Variants in CAMSAP2 observed in about 807,000 individuals in gnomAD.
CAMSAP2 encodes the protein calmodulin-regulated spectrin-associated protein 2.
A neutral mutation model predicts 146.1 loss-of-function variants in CAMSAP2; 26 were observed. That is an observed-to-expected ratio of 0.18 (90% CI 0.13 to 0.25). The LOEUF (loss-of-function observed/expected upper bound fraction) is 0.25, where lower values mean the gene tolerates loss of function less well. CAMSAP2 is among the 10% of genes least tolerant of loss of function. The pLI, the probability that CAMSAP2 is intolerant of heterozygous loss-of-function variation, is 1.00. For missense variants in CAMSAP2, 1,381 were observed against 1,759.3 expected (o/e 0.78, Z 3.85); for synonymous variants, 499 against 596.6 (o/e 0.84, Z 2.38).
intron 4 of CAMSAP2, among the ~76,000 whole-genome samples, chr1:200,827,504 C>T (rs566560802): frequency 2.0e-5 from 3 of 152,212 alleles, no homozygotes; most frequent in South Asian, 2.1e-4. Flanking sequence ...CTGCCAAAAA[C>T]GTTCAGTTAA....
chr1:200,745,268 C>G (rs541836086), intron 1 of CAMSAP2, among the ~76,000 whole-genome samples: 1 of 152,216 alleles, frequency 6.6e-6, no homozygotes, highest in East Asian at 1.9e-4. Context: ...CTACTCCTAC[C>G]CCAGTTGTGA....
At chr1:200,809,357 T>C (rs1420351089) in intron 3 of CAMSAP2, among the ~76,000 whole-genome samples, 1 of 152,236 alleles carries the variant, frequency 6.6e-6, no homozygotes, top group Non-Finnish European at 1.5e-5. Context: ...TTCTTCCCTT[T>C]TTTGTGGTCA....
At chr1:200,779,169 C>T (rs1665365812) in intron 2 of CAMSAP2, among the ~76,000 whole-genome samples, 1 of 152,134 alleles carries the variant, frequency 6.6e-6, no homozygotes, top group Non-Finnish European at 1.5e-5. Context: ...TTGAAGGCTG[C>T]ACAATATTCT....
At chr1:200,787,156 A>T (rs538964762) in intron 2 of CAMSAP2, among the ~76,000 whole-genome samples, 1 of 152,292 alleles carries the variant, frequency 6.6e-6, no homozygotes, top group African/African-American at 2.4e-5. Flanking sequence ...TGGCCCATGG[A>T]TCAGGGAGTA....
chr1:200,833,729 T>TA (rs748192056), intron 6 of CAMSAP2, among the ~76,000 whole-genome samples: 88 of 152,304 alleles, frequency 5.8e-4, no homozygotes, highest in Admixed American at 1.4e-3. Flanking sequence ...ATTTTTGAAT[T>TA]AAAAAATTAA....
chr1:200,748,172 A>G (rs931628391), intron 1 of CAMSAP2, among the ~76,000 whole-genome samples: 1 of 152,156 alleles, frequency 6.6e-6, no homozygotes, highest in Non-Finnish European at 1.5e-5. Flanking sequence ...ATAATCTTTC[A>G]TGTACCCATC....
intron 7 of CAMSAP2, among the ~76,000 whole-genome samples, chr1:200,843,798 T>C (rs540398879): frequency 1.3e-5 from 2 of 152,212 alleles, no homozygotes; most frequent in Non-Finnish European, 2.9e-5. Context: ...TCTGAAGTTC[T>C]ATGAAAGCTT....
rs747809258 is a variant in CAMSAP2, at chr1:200,852,527, A to G, written c.3466-14A>G. 3 of 1,597,792 alleles carry G rather than the reference A, an allele frequency of 1.9e-6. No homozygotes were observed. Among genetic ancestry groups the G allele is most frequent in the African/African-American group, 2.7e-5 (2 of 73,668 alleles). ...CTAAAATGTTTGATCGTTTTCAATG[A>G]AATTCGTTCTTAGGATGATCAAAAA... On this transcript the variant is annotated splice_polypyrimidine_tract_variant and intron_variant, in intron 11 of 16. Coordinates refer to ENST00000358823, the MANE Select transcript of CAMSAP2 (RefSeq NM_203459.4).
intron 1 of CAMSAP2, among the ~76,000 whole-genome samples, chr1:200,742,946 TAGTATTACAAA>T (rs1664220705): frequency 1.3e-5 from 2 of 152,340 alleles, no homozygotes; most frequent in African/African-American, 2.4e-5. Flanking sequence ...CTCTTTACAG[TAGTATTACAAA>T]AGTATTACAA....
chr1:200,824,944 A>G (rs556916075), intron 4 of CAMSAP2, among the ~76,000 whole-genome samples: 1 of 152,248 alleles, frequency 6.6e-6, no homozygotes, highest in African/African-American at 2.4e-5. Context: ...GTGCCAGTGT[A>G]CTCCAGCCTA....
chr1:200,852,683 G>A lies in CAMSAP2; in HGVS notation c.3602+6G>A. 1 of 1,610,260 alleles carries A rather than the reference G, an allele frequency of 6.2e-7. No homozygotes were observed. Among genetic ancestry groups the A allele is most frequent in the Non-Finnish European group, 8.5e-7 (1 of 1,179,028 alleles). On this transcript the variant is annotated splice_donor_region_variant and intron_variant, in intron 12 of 16. Transcript: ENST00000358823. ...CATAAGAAGGAGGAAACAAGGTAAAGGAAATTGCTGGCCCAGTGCTAGATC... is the reference window on the plus strand; with the variant it reads ...CATAAGAAGGAGGAAACAAGGTAAAAGAAATTGCTGGCCCAGTGCTAGATC...
chr1:200,812,259 T>G (rs572377238), intron 3 of CAMSAP2, among the ~76,000 whole-genome samples: 1 of 152,070 alleles, frequency 6.6e-6, no homozygotes, highest in Non-Finnish European at 1.5e-5. Context: ...GCACAGTGTT[T>G]GACAAAGAGA....
rs1255365002 is a variant in CAMSAP2, at chr1:200,817,172, G to A, written c.645+1528G>A. On this transcript the variant is annotated intron_variant, in intron 4 of 16. Transcript: ENST00000358823. ...CATACACACATACACACACGTGTGT[G>A]TATATACACACACACACATGTGTGT... 3.0e-3 allele frequency among the ~76,000 whole-genome samples: 204 copies of A among 68,536 alleles called. 1 individual carries two copies. The highest frequency in any genetic ancestry group is 0.017 in the African/African-American group (180 of 10,472). 45.0% of individuals were successfully genotyped at this position (68,536 alleles called of 152,430 possible).
At position 200,857,870 on chromosome 1, in the gene CAMSAP2, G is replaced by A. The variant is rs1029872513; in HGVS notation, c.4248G>A (p.Gly1416=). ...PETEEINKLT[G]IGPKSITKKM... ...CTGAAGAAATCAATAAACTGACTGG[G>A]ATAGGCCCTAAATCTATCACTAAAA... Residue 1416 remains glycine, a synonymous_variant, in exon 17 of 17, where the codon GGG becomes GGA. Coordinates refer to ENST00000358823, the MANE Select transcript of CAMSAP2 (RefSeq NM_203459.4). The surrounding 1 kb of genome is among the most constrained non-coding windows in gnomAD (Gnocchi z 4.7). The A allele has an allele frequency of 1.9e-6, 3 of 1,613,756 alleles. No individual in the cohort carries two copies. The highest frequency in any genetic ancestry group is 2.5e-6 in the Non-Finnish European group (3 of 1,179,794).
At chr1:200,807,218 C>G (rs1313375856) in intron 2 of CAMSAP2, among the ~76,000 whole-genome samples, 158 bp from the exon 3 acceptor site, 1 of 152,172 alleles carries the variant, frequency 6.6e-6, no homozygotes, top group Admixed American at 6.5e-5. Context: ...GGTCAGTTAG[C>G]TCATCTTTAG....
chr1:200,807,653 T>A (rs1666215638), intron 3 of CAMSAP2, 116 bp downstream of exon 3: 1 of 748,938 alleles, frequency 1.3e-6, no homozygotes, highest in African/African-American at 1.8e-5. Context: ...CAAACTTAAG[T>A]TGTAAAATAC....
At chr1:200,833,646 A>G (rs2102219824) in intron 6 of CAMSAP2, among the ~76,000 whole-genome samples, 1 of 152,338 alleles carries the variant, frequency 6.6e-6, no homozygotes, top group Middle Eastern at 3.4e-3. Flanking sequence ...AATGTTTCTT[A>G]CAAATAGCAA....
At chr1:200,805,230 A>G (rs1666141373) in intron 2 of CAMSAP2, among the ~76,000 whole-genome samples, 1 of 152,204 alleles carries the variant, frequency 6.6e-6, no homozygotes, top group Non-Finnish European at 1.5e-5. Flanking sequence ...TTTCCTATAA[A>G]TACTGCTCAG....
At chr1:200,831,675 C>T (rs1289585547) in intron 4 of CAMSAP2, among the ~76,000 whole-genome samples, 3 of 150,690 alleles carry the variant, frequency 2.0e-5, no homozygotes, top group Admixed American at 1.3e-4. Context: ...TTTGTGTTTC[C>T]TCAACATTCA....
Sources: gnomAD v4.1 joint callset for allele counts (sites outside exome capture counted in the v4.1 genomes callset) on GRCh38, gnomAD v4.1.1 for gene constraint, Gnocchi (gnomAD v3.1) non-coding constraint, MANE v1.5 for transcripts, NCBI Gene and HGNC (gene_info 2026-07-23, HGNC 2026-07-21) for gene names.